Variants in TNKS observed in about 807,000 individuals in gnomAD.
TNKS encodes poly [ADP-ribose] polymerase tankyrase-1.
A neutral mutation model predicts 135.8 loss-of-function variants in TNKS; 72 were observed. The ratio of observed to expected loss-of-function variants is 0.53; its 90% CI spans 0.44 to 0.64. TNKS has a LOEUF of 0.64. TNKS is among the 30% of genes least tolerant of loss of function. The probability of loss-of-function intolerance (pLI) is 0.00; values close to 1 mark genes in which losing one functional copy is unlikely to be tolerated. For synonymous variants in TNKS, 849 were observed against 649.3 expected (o/e 1.31, Z -4.68); for missense variants, 1,769 against 1,674.0 (o/e 1.06, Z -0.99).
At chr8:9,671,130 C>A (rs541897924) in intron 3 of TNKS, 4 of 151,542 alleles carry the variant, frequency 2.6e-5, no homozygotes, top group Non-Finnish European at 5.9e-5. Flanking sequence ...TCTTTTTTTT[C>A]TTTTCTTTTC....
At chr8:9,617,306 C>A (rs1428117869) in intron 3 of TNKS, among the ~76,000 whole-genome samples, 1 of 152,130 alleles carries the variant, frequency 6.6e-6, no homozygotes, top group African/African-American at 2.4e-5. Context: ...GACTTTAAAG[C>A]CATCTAACAC....
chr8:9,610,354 A>T (rs1254280770), intron 2 of TNKS, among the ~76,000 whole-genome samples: 1 of 151,482 alleles, frequency 6.6e-6, no homozygotes, highest in Non-Finnish European at 1.5e-5. Context: ...ACTATATATG[A>T]TATAATGTAT....
Position 9,763,174 on chromosome 8 carries a change from G to A in TNKS, c.3302G>A (p.Cys1101Tyr), listed in dbSNP as rs774686397. The A allele has an allele frequency of 4.4e-6, 7 of 1,596,052 alleles. No homozygotes were observed. In the Admixed American group the frequency reaches 5.1e-5, roughly 12 times the overall value. The change falls in exon 22 of 27, where the codon TGT becomes TAT. Residue 1101 changes from cysteine to tyrosine, a missense_variant. By Grantham distance (194) the Cys-to-Tyr change is radical. Around this residue, in one of 5 missense-constraint regions of TNKS, gnomAD observed 722 missense variants for 688.9 expected, o/e 1.05. Transcript: ENST00000310430. Reference sequence around the variant, plus strand: ...ACCAATCCTTATTTGACTTTTCACTGTGTTAATCAGGGAACGATTTTGCTG... The same window carrying A: ...ACCAATCCTTATTTGACTTTTCACTATGTTAATCAGGGAACGATTTTGCTG... ...QGTNPYLTFH[C>Y]VNQGTILLDL... is the part of the protein sequence containing the mutation.
intron 3 of TNKS, among the ~76,000 whole-genome samples, chr8:9,655,768 G>A (rs569901324): frequency 1.3e-5 from 2 of 151,954 alleles, no homozygotes; most frequent in South Asian, 4.2e-4. Context: ...AAGACCAAAG[G>A]TAGATAAAAC....
chr8:9,774,401 A>C (rs1364373761), intron 26 of TNKS, among the ~76,000 whole-genome samples: 1 of 152,202 alleles, frequency 6.6e-6, no homozygotes, highest in Non-Finnish European at 1.5e-5. Flanking sequence ...ATTTGAATTC[A>C]AATTTTAGTG....
intron 3 of TNKS, among the ~76,000 whole-genome samples, chr8:9,669,369 G>A (rs912396051): frequency 1.8e-4 from 27 of 146,440 alleles, no homozygotes; most frequent in Non-Finnish European, 2.7e-4. Context: ...AGTGAGCCGA[G>A]ATTGCGCCAC....
At chr8:9,591,624 G>A (rs143758844) in intron 2 of TNKS, among the ~76,000 whole-genome samples, 55 of 152,246 alleles carry the variant, frequency 3.6e-4, no homozygotes, top group African/African-American at 1.3e-3. Context: ...TGCTGTTACT[G>A]ATTTTTGAGA....
chr8:9,680,549 C>T (rs948272905), intron 4 of TNKS, among the ~76,000 whole-genome samples, 176 bp from the exon 5 acceptor site: 6 of 151,994 alleles, frequency 3.9e-5, no homozygotes, highest in Middle Eastern at 3.4e-3. Flanking sequence ...GGGTAATTAA[C>T]AGGAATTAAT....
chr8:9,668,312 A>G (rs956850490), intron 3 of TNKS, among the ~76,000 whole-genome samples: 4 of 152,210 alleles, frequency 2.6e-5, no homozygotes, highest in Admixed American at 6.5e-5. Flanking sequence ...GACCACTTTA[A>G]GGAGCTAATA....
intron 3 of TNKS, among the ~76,000 whole-genome samples, chr8:9,635,802 T>A (rs1800487852): frequency 6.6e-6 from 1 of 152,136 alleles, no homozygotes; most frequent in Non-Finnish European, 1.5e-5. Flanking sequence ...CCTGTATTTT[T>A]AAAAAATGTC....
chr8:9,669,189 C>A (rs560524595), intron 3 of TNKS, among the ~76,000 whole-genome samples: 6 of 151,692 alleles, frequency 4.0e-5, no homozygotes, highest in African/African-American at 1.5e-4. Context: ...GAGGCCGAGG[C>A]GGGTGGATCA....
intron 17 of TNKS, among the ~76,000 whole-genome samples, chr8:9,742,389 A>G (rs994052915): frequency 6.8e-6 from 1 of 146,230 alleles, no homozygotes; most frequent in Non-Finnish European, 1.5e-5. Context: ...TGGGCAACCC[A>G]CTTCCCTCAG....
At chr8:9,653,824 T>A (rs1480919226) in intron 3 of TNKS, among the ~76,000 whole-genome samples, 2 of 152,178 alleles carry the variant, frequency 1.3e-5, no homozygotes, top group Admixed American at 1.3e-4. Context: ...CTCCCCTCAC[T>A]CTTGTTCCTT....
At chr8:9,697,203 G>A (rs927013539) in intron 5 of TNKS, among the ~76,000 whole-genome samples, 2 of 152,150 alleles carry the variant, frequency 1.3e-5, no homozygotes, top group Admixed American at 6.5e-5. Flanking sequence ...AATGGGGAAA[G>A]GATTCCCTAT....
At chr8:9,601,649 T>C (rs1343203814) in intron 2 of TNKS, among the ~76,000 whole-genome samples, 1 of 152,138 alleles carries the variant, frequency 6.6e-6, no homozygotes, top group African/African-American at 2.4e-5. Context: ...CTCTATTCTT[T>C]AATAAATTTT....
intron 3 of TNKS, among the ~76,000 whole-genome samples, chr8:9,632,146 T>A (rs1024050864): frequency 6.6e-6 from 1 of 152,224 alleles, no homozygotes; most frequent in Non-Finnish European, 1.5e-5. Context: ...AAGAAGTTTT[T>A]ACTTCTGTTT....
intron 12 of TNKS, among the ~76,000 whole-genome samples, chr8:9,721,107 C>T (rs1383202517): frequency 6.6e-6 from 1 of 151,700 alleles, no homozygotes; most frequent in East Asian, 1.9e-4. Context: ...TGGTGAAACC[C>T]TGTCTCTATT....
intron 3 of TNKS, among the ~76,000 whole-genome samples, chr8:9,636,182 A>C (rs76892809): frequency 0.086 from 13,159 of 152,280 alleles, 601 homozygotes; most frequent in South Asian, 0.17. Flanking sequence ...TATAAAGCAC[A>C]TGGGCAGATG....
At chr8:9,560,581 C>G (rs373121078) in intron 1 of TNKS, among the ~76,000 whole-genome samples, 3 of 127,528 alleles carry the variant, frequency 2.4e-5, no homozygotes, top group African/African-American at 9.0e-5. Context: ...ACCATATACT[C>G]TAGATTGTTG....
Sources: gnomAD v4.1 joint callset for allele counts (sites outside exome capture counted in the v4.1 genomes callset) on GRCh38, gnomAD v4.1.1 for gene constraint, gnomAD v4.1.1 regional missense constraint, MANE v1.5 for transcripts, NCBI Gene and HGNC (gene_info 2026-07-23, HGNC 2026-07-21) for gene names.